The following SLC24A2 variants were observed in gnomAD, a reference collection of about 807,000 sequenced individuals.
SLC24A2 encodes the protein solute carrier family 24 member 2, also known as sodium/potassium/calcium exchanger 2.
SLC24A2 carries 36 observed loss-of-function variants against 62.0 expected under a neutral mutation model. That is an observed-to-expected ratio of 0.58 (90% CI 0.44 to 0.77). SLC24A2 has a LOEUF of 0.77. SLC24A2 is among the 30% of genes least tolerant of loss of function. The probability of loss-of-function intolerance (pLI) is 0.00; values close to 1 mark genes in which losing one functional copy is unlikely to be tolerated. For synonymous variants in SLC24A2, 358 were observed against 294.0 expected, an observed-to-expected ratio of 1.22 and a Z score of -2.23; for missense variants, 846 against 817.9, an observed-to-expected ratio of 1.03 and a Z score of -0.42.
the SLC24A2 span, among the ~76,000 whole-genome samples, chr9:19,947,082 T>C: frequency 6.6e-6 from 1 of 152,184 alleles, no homozygotes; most frequent in Non-Finnish European, 1.5e-5. Context: ...ACTGGGTCAA[T>C]ACATGGCAGG....
chr9:19,544,083 T>A (rs1231192696), intron 8 of SLC24A2, among the ~76,000 whole-genome samples: 1 of 152,106 alleles, frequency 6.6e-6, no homozygotes, highest in African/African-American at 2.4e-5. Context: ...TGTGGATCTC[T>A]AAGAACTTGC....
At chr9:20,304,871 G>A in the SLC24A2 span, among the ~76,000 whole-genome samples, 3 of 151,678 alleles carry the variant, frequency 2.0e-5, no homozygotes, top group Admixed American at 6.6e-5. Flanking sequence ...CCAGAGACAC[G>A]TATGAGCTCA....
At chr9:20,085,627 C>T in the SLC24A2 span, among the ~76,000 whole-genome samples, 1 of 152,170 alleles carries the variant, frequency 6.6e-6, no homozygotes, top group Non-Finnish European at 1.5e-5. Context: ...TTCAGTTCAC[C>T]ATCTCACTGT....
At chr9:19,521,962 C>T (rs190116589) in intron 9 of SLC24A2, among the ~76,000 whole-genome samples, 1 of 151,438 alleles carries the variant, frequency 6.6e-6, no homozygotes, top group Admixed American at 6.6e-5. Context: ...GGAAGCTCCT[C>T]CATTCTCTTG....
At chr9:19,546,261 A>T (rs1341987366) in intron 8 of SLC24A2, among the ~76,000 whole-genome samples, 2 of 152,152 alleles carry the variant, frequency 1.3e-5, no homozygotes, top group Non-Finnish European at 2.9e-5. Context: ...GTAGGCAGGG[A>T]CGTTTAAGTC....
the SLC24A2 span, among the ~76,000 whole-genome samples, chr9:20,024,223 C>T: frequency 6.6e-6 from 1 of 152,102 alleles, no homozygotes; most frequent in Non-Finnish European, 1.5e-5. Flanking sequence ...GGAACTGTGC[C>T]GTCTGGATTT....
the SLC24A2 span, among the ~76,000 whole-genome samples, chr9:20,264,387 A>G: frequency 6.6e-6 from 1 of 152,212 alleles, no homozygotes; most frequent in Non-Finnish European, 1.5e-5. Context: ...CAAAAAGCCA[A>G]AGGTCAGGAC....
At chr9:20,063,181 A>T in the SLC24A2 span, among the ~76,000 whole-genome samples, 1 of 149,608 alleles carries the variant, frequency 6.7e-6, no homozygotes, top group Non-Finnish European at 1.5e-5. Flanking sequence ...TGCTATAAAG[A>T]CACATGCACA....
At chr9:19,863,402 T>C in the SLC24A2 span, among the ~76,000 whole-genome samples, 2 of 151,992 alleles carry the variant, frequency 1.3e-5, no homozygotes, top group Non-Finnish European at 2.9e-5. Flanking sequence ...CTAATAGTTA[T>C]TTACAGAACA....
chr9:19,799,596 A>G, the SLC24A2 span, among the ~76,000 whole-genome samples: 1 of 152,216 alleles, frequency 6.6e-6, no homozygotes, highest in African/African-American at 2.4e-5. Context: ...CATAAAATCT[A>G]TAGATCCTCT....
the SLC24A2 span, among the ~76,000 whole-genome samples, chr9:20,165,199 A>G: frequency 6.6e-6 from 1 of 151,974 alleles, no homozygotes; most frequent in East Asian, 1.9e-4. Context: ...CTTCATAAGA[A>G]TATCTCAACA....
chr9:19,695,441 A>G (rs1428450116), intron 2 of SLC24A2, among the ~76,000 whole-genome samples: 1 of 152,098 alleles, frequency 6.6e-6, no homozygotes, highest in African/African-American at 2.4e-5. Flanking sequence ...CATCAACCAA[A>G]CAACTGAATA....
At chr9:19,593,740 G>C (rs1836624092) in intron 5 of SLC24A2, among the ~76,000 whole-genome samples, 1 of 152,026 alleles carries the variant, frequency 6.6e-6, no homozygotes, top group Non-Finnish European at 1.5e-5. Context: ...AAGCTGCAGT[G>C]GAACCCAAAG....
At chr9:19,519,945 G>C (rs1833109126) in intron 10 of SLC24A2, among the ~76,000 whole-genome samples, 1 of 152,208 alleles carries the variant, frequency 6.6e-6, no homozygotes, top group African/African-American at 2.4e-5. Flanking sequence ...ATTTACTAGT[G>C]TGAACTCTGG....
At chr9:20,284,683 T>A in the SLC24A2 span, among the ~76,000 whole-genome samples, 22 of 152,126 alleles carry the variant, frequency 1.4e-4, no homozygotes, top group Non-Finnish European at 2.9e-4. Flanking sequence ...GCTGTGAAAC[T>A]AGTAGAGTTT....
chr9:19,663,700 C>T (rs971049757), intron 2 of SLC24A2, among the ~76,000 whole-genome samples: 3 of 152,152 alleles, frequency 2.0e-5, no homozygotes, highest in Non-Finnish European at 4.4e-5. Context: ...TCATTAAGTG[C>T]GTCTGCCACT....
At chr9:19,870,628 A>G in the SLC24A2 span, among the ~76,000 whole-genome samples, 2 of 152,088 alleles carry the variant, frequency 1.3e-5, no homozygotes, top group Non-Finnish European at 2.9e-5. Flanking sequence ...TCCCACCAGC[A>G]GTGTATGTGG....
chr9:19,792,536 C>CAAAAAAAAAA (rs1165695410), upstream of SLC24A2, among the ~76,000 whole-genome samples: 59 of 74,576 alleles, frequency 7.9e-4, no homozygotes, highest in Middle Eastern at 8.8e-3. Context: ...ACTAAAAATA[C>CAAAAAAAAAA]AAAAAAAAAA....
At chr9:20,251,075 GAGA>G in the SLC24A2 span, among the ~76,000 whole-genome samples, 8 of 152,198 alleles carry the variant, frequency 5.3e-5, no homozygotes, top group African/African-American at 1.9e-4. Flanking sequence ...TCAGCCCATA[GAGA>G]AGAAGGCAGT....
Sources: allele counts gnomAD v4.1 joint callset (sites outside exome capture counted in the v4.1 genomes callset), GRCh38; gene constraint gnomAD v4.1.1; transcripts MANE v1.5; gene names NCBI Gene and HGNC (gene_info 2026-07-23, HGNC 2026-07-21).